The following PPM1D variants were observed in gnomAD, a reference collection of about 807,000 sequenced individuals.
The protein encoded by PPM1D is protein phosphatase, Mg2+/Mn2+ dependent 1D, also known as protein phosphatase 1D.
PPM1D carries 52 observed loss-of-function variants against 58.3 expected under a neutral mutation model. The observed-to-expected ratio is 0.89, with a 90% CI of 0.71 to 1.12. PPM1D has a LOEUF of 1.12. Among genes scored for constraint, PPM1D ranks in the 50% most tolerant of loss-of-function variants. PPM1D has a pLI of 0.00. For missense variants in PPM1D, 564 were observed against 777.2 expected, an observed-to-expected ratio of 0.73 and a Z score of 3.26; for synonymous variants, 278 against 285.1, an observed-to-expected ratio of 0.98 and a Z score of 0.25.
intron 2 of PPM1D, among the ~76,000 whole-genome samples, chr17:60,627,427 C>CTT (rs376666702): frequency 3.4e-5 from 5 of 145,668 alleles, no homozygotes; most frequent in South Asian, 2.2e-4. Flanking sequence ...CTTTTTCTTT[C>CTT]TTTTTTTTTT....
rs2031569542 is a variant in PPM1D at position 60,663,530 on chromosome 17, G to A, written c.1796G>A (p.Arg599Lys). The change falls in exon 6 of 6, where the codon AGG (arginine) becomes AAG (lysine). Residue 599 changes from arginine to lysine, a missense_variant. Transcript: ENST00000305921. The stretch of plus-strand genomic sequence containing the variant: ...GGAAATCCTTTACTTCATCAACACA[G>A]GAAAACTGTTTGTGTTTGCTGAAAT... ...KIGNPLLHQH[R>K]KTVCVC The A allele has an allele frequency of 3.1e-6, 5 of 1,609,254 alleles. No individual in the cohort carries two copies. The highest frequency in any genetic ancestry group is 3.4e-6 in the Non-Finnish European group (4 of 1,179,600).
In PPM1D at chr17:60,623,666, C is replaced by T. The variant is rs898936700; in HGVS notation, c.618C>T (p.Asp206=). 4.3e-6 allele frequency: 7 copies of T among 1,614,026 alleles called. No individual in the cohort carries two copies. Among genetic ancestry groups the T allele is most frequent in the Non-Finnish European group, 5.9e-6 (7 of 1,180,038 alleles). ...VLGIQDDPKD[D]FVRAVEVTQD... ...GAATTCAGGATGACCCGAAGGATGA[C>T]TTTGTCAGAGCTGTGGAGGTGACAC... is the stretch of plus-strand genomic sequence containing the variant. The change falls in exon 2 of 6, where the codon GAC becomes GAT. Residue 206 remains aspartate (D), a synonymous_variant. Transcript: ENST00000305921.
At chr17:60,626,568 G>A (rs988571244) in intron 2 of PPM1D, among the ~76,000 whole-genome samples, 12 of 151,784 alleles carry the variant, frequency 7.9e-5, no homozygotes, top group Admixed American at 2.0e-4. Flanking sequence ...CTAATTTTTT[G>A]TATTTTTAGT....
intron 1 of PPM1D, among the ~76,000 whole-genome samples, chr17:60,622,366 GATTT>G (rs1346899938): frequency 1.3e-5 from 2 of 152,028 alleles, no homozygotes; most frequent in Non-Finnish European, 2.9e-5. Flanking sequence ...ATATGTTGTG[GATTT>G]ATTTCTAACA....
chr17:60,639,283 G>A (rs1028497303), intron 3 of PPM1D, among the ~76,000 whole-genome samples: 1 of 151,296 alleles, frequency 6.6e-6, no homozygotes, highest in Non-Finnish European at 1.5e-5. Flanking sequence ...GCTCGGCTAA[G>A]TTTTGTACAA....
intron 2 of PPM1D, among the ~76,000 whole-genome samples, chr17:60,633,565 T>G (rs1481146624): frequency 2.0e-5 from 3 of 152,068 alleles, no homozygotes; most frequent in Non-Finnish European, 4.4e-5. Flanking sequence ...TGTTTACTAA[T>G]TAGGTAGTGT....
At chr17:60,650,409 G>C (rs900255015) in intron 4 of PPM1D, among the ~76,000 whole-genome samples, 2 of 152,190 alleles carry the variant, frequency 1.3e-5, no homozygotes, top group African/African-American at 2.4e-5. Flanking sequence ...AAATCAGCCA[G>C]ACGTGGTGAC....
At chr17:60,601,700 G>T (rs185458459) in intron 1 of PPM1D, among the ~76,000 whole-genome samples, 12 of 152,272 alleles carry the variant, frequency 7.9e-5, no homozygotes, top group Admixed American at 7.8e-4. Flanking sequence ...AAAAGGCAAG[G>T]AATTACTGTA....
At chr17:60,645,630 GTATA>G (rs1165202359) in intron 3 of PPM1D, among the ~76,000 whole-genome samples, 24 of 125,726 alleles carry the variant, frequency 1.9e-4, no homozygotes, top group African/African-American at 7.8e-4. Flanking sequence ...ATATGTATAT[GTATA>G]TGTGTGTGTG....
intron 5 of PPM1D, among the ~76,000 whole-genome samples, chr17:60,659,931 G>T (rs1265545885): frequency 6.6e-6 from 1 of 152,240 alleles, no homozygotes; most frequent in Non-Finnish European, 1.5e-5. Flanking sequence ...GTGCATTTAG[G>T]CTGGGTGTGG....
intron 5 of PPM1D, among the ~76,000 whole-genome samples, chr17:60,662,049 TG>T (rs1294966854): frequency 6.6e-6 from 1 of 152,108 alleles, no homozygotes; most frequent in African/African-American, 2.4e-5. Context: ...CAGGCTGGAG[TG>T]CAGTGGTGCG....
intron 2 of PPM1D, among the ~76,000 whole-genome samples, chr17:60,630,722 A>G (rs2030903958): frequency 6.6e-6 from 1 of 152,260 alleles, no homozygotes; most frequent in African/African-American, 2.4e-5. Flanking sequence ...AGAAACACAG[A>G]TCATAATATC....
chr17:60,621,813 G>A (rs1005427944), intron 1 of PPM1D, among the ~76,000 whole-genome samples: 7 of 145,898 alleles, frequency 4.8e-5, no homozygotes, highest in Admixed American at 2.0e-4. Context: ...CTCGTGATCC[G>A]CCCACTTTGG....
chr17:60,645,588 G>GTA lies in PPM1D; in HGVS notation c.827-2296_827-2295dup, dbSNP rs1189398312. ...TATATATATGTATATATATATGTGT[G>GTA]TATATATATGTATATATATGTGTGT... On this transcript the variant is annotated intron_variant, in intron 3 of 5. Transcript: ENST00000305921. Among the ~76,000 whole-genome samples the GTA allele has an allele frequency of 1.2e-3, 160 of 132,128 alleles. 1 individual carries two copies. Among genetic ancestry groups the GTA allele is most frequent in the African/African-American group, 4.7e-3 (150 of 31,808 alleles). 86.7% of individuals were successfully genotyped at this position (132,128 alleles called of 152,430 possible). A position where few individuals can be genotyped will look rare whatever the true frequency, so the allele number is the denominator to read the frequency against.
chr17:60,608,803 A>C (rs1405325478), intron 1 of PPM1D, among the ~76,000 whole-genome samples: 1 of 150,322 alleles, frequency 6.7e-6, no homozygotes. Context: ...GCTGGAGTGC[A>C]GTGGCGCTAT....
At chr17:60,601,453 C>T (rs374384409) in intron 1 of PPM1D, among the ~76,000 whole-genome samples, 1 of 152,136 alleles carries the variant, frequency 6.6e-6, no homozygotes, top group East Asian at 1.9e-4. Context: ...GGAAGGAATT[C>T]CGTTGTAATG....
rs552141896 is a variant in PPM1D at position 60,637,402 on chromosome 17, C to T, written c.826+3425C>T. ...ATTACAGGCATGAGCCACTGTGCCCCGCTCCTACTCAGTATTTTTAACTGA... is the reference window on the plus strand; with the variant it reads ...ATTACAGGCATGAGCCACTGTGCCCTGCTCCTACTCAGTATTTTTAACTGA... On this transcript the variant is annotated intron_variant, in intron 3 of 5. Coordinates refer to ENST00000305921, the MANE Select transcript of PPM1D (RefSeq NM_003620.4). 2.8e-4 allele frequency among the ~76,000 whole-genome samples: 43 copies of T among 152,150 alleles called. No homozygotes were observed. The South Asian group carries it at 5.6e-3, about 20-fold the overall frequency.
At chr17:60,611,128 C>G (rs2030445163) in intron 1 of PPM1D, among the ~76,000 whole-genome samples, 1 of 152,092 alleles carries the variant, frequency 6.6e-6, no homozygotes, top group Non-Finnish European at 1.5e-5. Flanking sequence ...TCATGCGATC[C>G]TCCTGCCTCA....
intron 1 of PPM1D, among the ~76,000 whole-genome samples, chr17:60,622,077 C>A (rs1414473941): frequency 1.9e-4 from 28 of 150,750 alleles, no homozygotes; most frequent in Admixed American, 1.2e-3. Context: ...GTAGTCCCAG[C>A]TATTTGGGAG....
Sources: gnomAD v4.1 joint callset for allele counts (sites outside exome capture counted in the v4.1 genomes callset) on GRCh38, gnomAD v4.1.1 for gene constraint, MANE v1.5 for transcripts, NCBI Gene and HGNC (gene_info 2026-07-23, HGNC 2026-07-21) for gene names.